The following PPFIBP2 variants were observed in gnomAD, a reference collection of about 807,000 sequenced individuals.
PPFIBP2 encodes the protein PPFIB scaffold protein 2, also known as liprin-beta-2.
In PPFIBP2, 118 loss-of-function variants were observed where a neutral mutation model predicts 118.3. That is an observed-to-expected ratio of 1.00 (90% CI 0.86 to 1.16). The LOEUF is 1.16. Among genes scored for constraint, PPFIBP2 ranks in the 50% most tolerant of loss-of-function variants. PPFIBP2 has a pLI of 0.00. For missense variants in PPFIBP2, 1,195 were observed against 1,073.1 expected, an observed-to-expected ratio of 1.11 and a Z score of -1.59; for synonymous variants, 414 against 397.4, an observed-to-expected ratio of 1.04 and a Z score of -0.50.
chr11:7,634,053 C>T (rs11602666), intron 12 of PPFIBP2, among the ~76,000 whole-genome samples: 4,806 of 152,152 alleles, frequency 0.032, 107 homozygotes, highest in Middle Eastern at 0.092. Flanking sequence ...TGTTCTGGAG[C>T]CATGGCTGGT....
intron 10 of PPFIBP2, among the ~76,000 whole-genome samples, chr11:7,630,227 GCTT>G (rs145803595): frequency 0.046 from 7,007 of 152,320 alleles, 219 homozygotes; most frequent in Non-Finnish European, 0.07. Context: ...AGCTTCTGCT[GCTT>G]CTTGGGAAGA....
intron 16 of PPFIBP2, 152 bp downstream of exon 16, chr11:7,641,772 C>A (rs560928946): frequency 2.4e-6 from 2 of 829,474 alleles, no homozygotes; most frequent in South Asian, 3.6e-5. Context: ...AGATATTTTC[C>A]AGGGCCAAGA....
chr11:7,520,281 G>A lies in PPFIBP2; in HGVS notation c.-37+6160G>A, dbSNP rs539458206. Reference sequence around the variant, plus strand: ...GGTAGCTGCTACGTGGTACCCAGACGGCCTCCCTTTTGGTTTTCAGGGGGT... The same window carrying A: ...GGTAGCTGCTACGTGGTACCCAGACAGCCTCCCTTTTGGTTTTCAGGGGGT... On this transcript the variant is annotated intron_variant, in intron 1 of 23. Coordinates refer to ENST00000299492, the MANE Select transcript of PPFIBP2 (RefSeq NM_003621.5). Among the ~76,000 whole-genome samples the A allele has an allele frequency of 2.2e-4, 33 of 152,290 alleles. No homozygotes were observed. In the East Asian group the frequency reaches 6.4e-3, roughly 29 times the overall value.
intron 22 of PPFIBP2, chr11:7,651,419 G>A: frequency 2.2e-6 from 1 of 465,050 alleles, no homozygotes; most frequent in Non-Finnish European, 3.8e-6. Context: ...CACCAAAGAG[G>A]TCCCAGTTCT....
chr11:7,612,349 G>T (rs1270683018), intron 6 of PPFIBP2, among the ~76,000 whole-genome samples: 1 of 152,080 alleles, frequency 6.6e-6, no homozygotes, highest in Non-Finnish European at 1.5e-5. Flanking sequence ...CATCTCATTG[G>T]GCCACTTTGG....
At position 7,653,553 on chromosome 11, in the gene PPFIBP2, C is replaced by G. The variant is rs1358084400; in HGVS notation, c.*335C>G. Reference sequence around the variant, plus strand: ...TGCAGGTCCAGAGACCATGGACACTCCCACGAGGCTCAGCTCTCAGGCACC... The same window carrying G: ...TGCAGGTCCAGAGACCATGGACACTGCCACGAGGCTCAGCTCTCAGGCACC... On this transcript the variant is annotated 3_prime_UTR_variant, in exon 24 of 24. Transcript: ENST00000299492. 7.6e-7 allele frequency: 1 copy of G among 1,318,368 alleles called. No individual in the cohort carries two copies. The highest frequency in any genetic ancestry group is 9.9e-7 in the Non-Finnish European group (1 of 1,008,516). 81.7% of individuals were successfully genotyped at this position (1,318,368 alleles called of 1,614,324 possible).
Position 7,549,930 on chromosome 11 carries a change from C to T in PPFIBP2, c.64+391C>T, listed in dbSNP as rs80265761. The stretch of plus-strand genomic sequence containing the variant: ...CTTTGCCACCTAATGCAGGTGTCAG[C>T]GTCCTCAGATGGTCTCCAGTGTGTT... On this transcript the variant is annotated intron_variant, in intron 2 of 23. Transcript: ENST00000299492. Among the ~76,000 whole-genome samples, 877 of 152,276 alleles carry T rather than the reference C, an allele frequency of 5.8e-3. 23 individuals carry two copies. In the East Asian group the frequency reaches 0.07, roughly 12 times the overall value.
At chr11:7,665,497 G>A in the PPFIBP2 span, 5 of 1,613,718 alleles carry the variant, frequency 3.1e-6, no homozygotes, top group African/African-American at 2.7e-5. Context: ...GAGGAGGAAG[G>A]TGCTCCTTGA....
chr11:7,628,511 C>T (rs888798686), intron 9 of PPFIBP2, among the ~76,000 whole-genome samples, 165 bp downstream of exon 9: 1 of 152,180 alleles, frequency 6.6e-6, no homozygotes, highest in South Asian at 2.1e-4. Context: ...TGGCCTCAGC[C>T]ACCTGTTTTT....
chr11:7,625,197 G>A (rs144753502), intron 7 of PPFIBP2, among the ~76,000 whole-genome samples: 2 of 152,242 alleles, frequency 1.3e-5, no homozygotes, highest in African/African-American at 4.8e-5. Context: ...ATGAGTGAGC[G>A]TGCACACATG....
chr11:7,663,296 T>C, the PPFIBP2 span, among the ~76,000 whole-genome samples: 11 of 148,898 alleles, frequency 7.4e-5, no homozygotes, highest in Admixed American at 6.7e-5. Context: ...CTTTTGGTCT[T>C]TGATGATGGT....
chr11:7,522,013 A>G (rs1394042780), intron 1 of PPFIBP2, among the ~76,000 whole-genome samples: 1 of 152,178 alleles, frequency 6.6e-6, no homozygotes, highest in Non-Finnish European at 1.5e-5. Flanking sequence ...TTCTGATGAC[A>G]TTAAAGTTTC....
intron 5 of PPFIBP2, among the ~76,000 whole-genome samples, chr11:7,607,740 C>T (rs1192389027): frequency 1.3e-5 from 2 of 152,076 alleles, no homozygotes; most frequent in Non-Finnish European, 2.9e-5. Flanking sequence ...TTTGCATTGG[C>T]AGCTGGGAAG....
In PPFIBP2 at chr11:7,653,296, C is replaced by G; in HGVS notation, c.*78C>G. ...TGTGTCACCATATAACTGCACCTCA[C>G]CCCCGCACGTGTGCATGACTCGCAG... On this transcript the variant is annotated 3_prime_UTR_variant, in exon 24 of 24. Transcript: ENST00000299492. The G allele has an allele frequency of 6.3e-7, 1 of 1,587,696 alleles. No homozygotes were observed. The highest frequency in any genetic ancestry group is 8.6e-7 in the Non-Finnish European group (1 of 1,168,414).
intron 1 of PPFIBP2, among the ~76,000 whole-genome samples, chr11:7,515,897 C>T (rs1031855410): frequency 6.6e-6 from 1 of 152,166 alleles, no homozygotes; most frequent in East Asian, 1.9e-4. Context: ...CAGAGCTTCT[C>T]AAAGTTGAGA....
intron 1 of PPFIBP2, among the ~76,000 whole-genome samples, chr11:7,533,298 G>T (rs980728604): frequency 3.9e-5 from 6 of 152,140 alleles, no homozygotes; most frequent in African/African-American, 1.4e-4. Flanking sequence ...AGGCTGTCAT[G>T]GATAGCCCCC....
chr11:7,654,340 C>A (rs1309484032), downstream of PPFIBP2, among the ~76,000 whole-genome samples: 2 of 152,204 alleles, frequency 1.3e-5, no homozygotes, highest in African/African-American at 4.8e-5. Flanking sequence ...GTCTGGACTC[C>A]TGGTCAGAAG....
At chr11:7,629,142 G>A (rs1378018112) in intron 9 of PPFIBP2, among the ~76,000 whole-genome samples, 1 of 152,208 alleles carries the variant, frequency 6.6e-6, no homozygotes, top group African/African-American at 2.4e-5. Flanking sequence ...GGCAACACTA[G>A]GACCAGAAGG....
intron 1 of PPFIBP2, among the ~76,000 whole-genome samples, chr11:7,537,284 C>G (rs1354235065): frequency 6.6e-6 from 1 of 152,228 alleles, no homozygotes; most frequent in Non-Finnish European, 1.5e-5. Flanking sequence ...TACTATATCC[C>G]TCACAGGACC....
Sources: gnomAD v4.1 joint callset for allele counts (sites outside exome capture counted in the v4.1 genomes callset) on GRCh38, gnomAD v4.1.1 for gene constraint, MANE v1.5 for transcripts, NCBI Gene and HGNC (gene_info 2026-07-23, HGNC 2026-07-21) for gene names.